The following PITPNM2 variants were observed in gnomAD, a reference collection of about 807,000 sequenced individuals.
PITPNM2 encodes the protein membrane-associated phosphatidylinositol transfer protein 2.
In PITPNM2, 35 loss-of-function variants were observed where a neutral mutation model predicts 132.2. The observed-to-expected ratio is 0.26, with a 90% CI of 0.20 to 0.35. PITPNM2 has a LOEUF of 0.35. PITPNM2 is among the 10% of genes least tolerant of loss of function. The pLI is 1.00. For synonymous variants in PITPNM2, 738 were observed against 799.2 expected, an observed-to-expected ratio of 0.92 and a Z score of 1.29; for missense variants, 1,332 against 1,912.0, an observed-to-expected ratio of 0.70 and a Z score of 5.66.
intron 4 of PITPNM2, 68 bp downstream of exon 4, chr12:123,013,760 C>T (rs893677240): frequency 2.0e-6 from 3 of 1,521,896 alleles, no homozygotes; most frequent in African/African-American, 1.4e-5. Context: ...TGGATCTATG[C>T]CACAAGATTG....
chr12:123,042,511 G>A (rs2040522886), intron 2 of PITPNM2, among the ~76,000 whole-genome samples: 1 of 152,166 alleles, frequency 6.6e-6, no homozygotes, highest in East Asian at 1.9e-4. Flanking sequence ...CCATCCCAAC[G>A]CAGTTCAGCT....
In PITPNM2 at chr12:123,125,901, G is replaced by A. The variant is rs185357768; in HGVS notation, c.-199-15413C>T. Among the ~76,000 whole-genome samples, 777 of 93,796 alleles carry A rather than the reference G, an allele frequency of 8.3e-3. 9 individuals carry two copies. The highest frequency in any genetic ancestry group is 0.03 in the African/African-American group (726 of 23,876). The allele number at this position is 93,796 out of a possible 152,430, so 61.5% of individuals were successfully genotyped here. A position where few individuals can be genotyped will look rare whatever the true frequency, so the allele number is the denominator to read the frequency against. On this transcript the variant is annotated intron_variant, in intron 1 of 25. Coordinates refer to ENST00000320201, the MANE Select transcript of PITPNM2 (RefSeq NM_020845.3). Reference sequence around the variant, plus strand: ...TTTTTTTTTTTTGAGATGGAGTCTCGCACTGTCACCCAGGCTGGAGCGCAG... The same window carrying A: ...TTTTTTTTTTTTGAGATGGAGTCTCACACTGTCACCCAGGCTGGAGCGCAG...
chr12:123,116,083 G>T (rs2042931884), intron 1 of PITPNM2, among the ~76,000 whole-genome samples: 1 of 152,226 alleles, frequency 6.6e-6, no homozygotes. Flanking sequence ...TGCCCTCGTG[G>T]AGTCCCCTCC....
At chr12:123,016,548 C>T (rs1484613112) in intron 3 of PITPNM2, among the ~76,000 whole-genome samples, 1 of 151,696 alleles carries the variant, frequency 6.6e-6, no homozygotes, top group Non-Finnish European at 1.5e-5. Flanking sequence ...ATCTCTTGAC[C>T]TCATGATCCG....
chr12:123,037,721 C>T (rs1168380336), intron 2 of PITPNM2, among the ~76,000 whole-genome samples: 2 of 152,186 alleles, frequency 1.3e-5, no homozygotes, highest in Non-Finnish European at 1.5e-5. Context: ...GCTCACCAGG[C>T]ACTAGCAAGG....
intron 2 of PITPNM2, among the ~76,000 whole-genome samples, chr12:123,075,413 G>A (rs1370438352): frequency 2.0e-5 from 3 of 152,346 alleles, no homozygotes; most frequent in South Asian, 4.1e-4. Flanking sequence ...AGCCTGGGTG[G>A]TGGATTCCAC....
Position 123,013,830 on chromosome 12 carries a change from G to A in PITPNM2, c.291C>T (p.Thr97=). ...CATGGAGGCCAAAGCAGGCGCACCT[G>A]GTTCGGGTGTAGGGGTAGGCATTCC... ...ESWNAYPYTR[T]RFTCPFVEKF... is the part of the protein sequence containing the mutation. Residue 97 remains threonine, a splice_region_variant and synonymous_variant, in exon 4 of 26, where the codon ACC becomes ACT. Transcript: ENST00000320201. 6.2e-7 allele frequency: 1 copy of A among 1,613,740 alleles called. No homozygotes were observed. Among genetic ancestry groups the A allele is most frequent in the Non-Finnish European group, 8.5e-7 (1 of 1,179,818 alleles).
At chr12:123,142,164 A>C (rs2043519317) in intron 1 of PITPNM2, among the ~76,000 whole-genome samples, 1 of 152,254 alleles carries the variant, frequency 6.6e-6, no homozygotes, top group African/African-American at 2.4e-5. Context: ...TGGGAACTGA[A>C]GTCAAACTAA....
intron 2 of PITPNM2, among the ~76,000 whole-genome samples, chr12:123,107,065 G>T (rs1407059607): frequency 6.6e-6 from 1 of 152,216 alleles, no homozygotes; most frequent in East Asian, 1.9e-4. Context: ...GCATGGGGAG[G>T]TGGGGACGTG....
At chr12:123,098,250 G>T (rs1438288512) in intron 2 of PITPNM2, among the ~76,000 whole-genome samples, 1 of 152,198 alleles carries the variant, frequency 6.6e-6, no homozygotes, top group African/African-American at 2.4e-5. Context: ...AAGGATTTGG[G>T]TCCTAAAGAG....
intron 1 of PITPNM2, among the ~76,000 whole-genome samples, chr12:123,125,303 T>G (rs2043114552): frequency 6.6e-6 from 1 of 152,190 alleles, no homozygotes; most frequent in Non-Finnish European, 1.5e-5. Flanking sequence ...CTTTGAATCC[T>G]AGAAAATTGT....
intron 1 of PITPNM2, among the ~76,000 whole-genome samples, chr12:123,137,825 G>A (rs1378564336): frequency 1.3e-5 from 2 of 151,000 alleles, no homozygotes; most frequent in Non-Finnish European, 3.0e-5. Flanking sequence ...CCCGGGAGAT[G>A]GAGGCTGCAG....
intron 2 of PITPNM2, chr12:123,087,769 C>A (rs2042155406): frequency 1.3e-5 from 2 of 152,186 alleles, no homozygotes; most frequent in African/African-American, 4.8e-5. Flanking sequence ...CAAGTGTGCA[C>A]CACCATCCCT....
intron 2 of PITPNM2, among the ~76,000 whole-genome samples, chr12:123,076,286 A>C (rs969289195): frequency 7.2e-5 from 11 of 152,134 alleles, no homozygotes; most frequent in African/African-American, 2.7e-4. Flanking sequence ...GCAGACACAA[A>C]AGCATTCCTC....
rs921011143 is a variant in PITPNM2, at chr12:122,994,182, T to C, written c.2233+619A>G. On this transcript the variant is annotated intron_variant, in intron 15 of 25. Coordinates refer to ENST00000320201, the MANE Select transcript of PITPNM2 (RefSeq NM_020845.3). The surrounding 1 kb of genome is among the most constrained non-coding windows in gnomAD (Gnocchi z 5.4). ...GCCACCGCGCCCGGCCAGCTCTGCA[T>C]TTTTAACCTGCACTTGGCAAGCATC... Among the ~76,000 whole-genome samples, 2 of 152,214 alleles carry C rather than the reference T, an allele frequency of 1.3e-5. No individual in the cohort carries two copies. Among genetic ancestry groups the C allele is most frequent in the Non-Finnish European group, 2.9e-5 (2 of 68,028 alleles).
intron 3 of PITPNM2, among the ~76,000 whole-genome samples, chr12:123,028,337 C>T (rs977491900): frequency 6.6e-6 from 1 of 152,198 alleles, no homozygotes; most frequent in South Asian, 2.1e-4. Flanking sequence ...AACCTTCCAG[C>T]GGGGCAGCTT....
In PITPNM2 at chr12:123,064,114, T is replaced by C. The variant is rs1291665464; in HGVS notation, c.-95-29429A>G. On this transcript the variant is annotated intron_variant, in intron 2 of 25. Transcript: ENST00000320201. The surrounding 1 kb of genome is among the most constrained non-coding windows in gnomAD (Gnocchi z 4.0). ...AGTCAGGACTAGGGGAAACAAATCA[T>C]TGATATCATTTTGTCACTATGCATT... Among the ~76,000 whole-genome samples the C allele has an allele frequency of 6.6e-6, 1 of 152,182 alleles. No individual in the cohort carries two copies. The highest frequency in any genetic ancestry group is 1.5e-5 in the Non-Finnish European group (1 of 68,028).
At chr12:123,112,823 CCA>C (rs2042867515) in intron 1 of PITPNM2, among the ~76,000 whole-genome samples, 1 of 152,186 alleles carries the variant, frequency 6.6e-6, no homozygotes, top group Admixed American at 6.5e-5. Context: ...CAGGCGTGAG[CCA>C]CTGCACCCAG....
At chr12:122,991,400 C>A (rs542519701) in intron 16 of PITPNM2, among the ~76,000 whole-genome samples, 4 of 152,332 alleles carry the variant, frequency 2.6e-5, no homozygotes, top group African/African-American at 9.6e-5. Context: ...CAACCCCTCG[C>A]TGGGACCAGA....
Sources: gnomAD v4.1 joint callset for allele counts (sites outside exome capture counted in the v4.1 genomes callset) on GRCh38, gnomAD v4.1.1 for gene constraint, Gnocchi (gnomAD v3.1) non-coding constraint, MANE v1.5 for transcripts, NCBI Gene and HGNC (gene_info 2026-07-23, HGNC 2026-07-21) for gene names.